Variants in DOP1B observed in about 807,000 individuals in gnomAD.
DOP1B encodes DOP1 leucine zipper like protein B.
A neutral mutation model predicts 233.5 loss-of-function variants in DOP1B; 174 were observed. The ratio of observed to expected loss-of-function variants is 0.75; its 90% CI spans 0.66 to 0.85. DOP1B has a LOEUF of 0.85. Among genes scored for constraint, DOP1B ranks in the 40% least tolerant of loss-of-function variants. The pLI, the probability that DOP1B is intolerant of heterozygous loss-of-function variation, is 0.00. For missense variants in DOP1B, 2,652 were observed against 2,846.6 expected (o/e 0.93, Z 1.56); for synonymous variants, 1,190 against 1,185.6 (o/e 1.00, Z -0.08).
chr21:36,267,708 A>C (rs913790478), intron 26 of DOP1B, among the ~76,000 whole-genome samples: 1 of 121,062 alleles, frequency 8.3e-6, no homozygotes, highest in Non-Finnish European at 1.7e-5. Flanking sequence ...GGTTCTTTCT[A>C]TTTTCCGTAA....
chr21:36,171,696 A>G (rs2065973125), intron 2 of DOP1B, among the ~76,000 whole-genome samples: 1 of 152,196 alleles, frequency 6.6e-6, no homozygotes, highest in South Asian at 2.1e-4. Context: ...TTCAGAAGAA[A>G]GCCGCTCTCT....
intron 32 of DOP1B, among the ~76,000 whole-genome samples, chr21:36,285,275 G>C (rs2067468932): frequency 6.6e-6 from 1 of 151,942 alleles, no homozygotes; most frequent in African/African-American, 2.4e-5. Context: ...GGCCAGGCTG[G>C]TCTCGAACTC....
At chr21:36,180,148 C>G (rs8130160) in intron 2 of DOP1B, among the ~76,000 whole-genome samples, 1 of 149,426 alleles carries the variant, frequency 6.7e-6, no homozygotes, top group African/African-American at 2.5e-5. Flanking sequence ...TAAAAAAAAA[C>G]TAGAGGGGGT....
At chr21:36,174,562 T>G (rs2066003874) in intron 2 of DOP1B, among the ~76,000 whole-genome samples, 1 of 152,200 alleles carries the variant, frequency 6.6e-6, no homozygotes, top group African/African-American at 2.4e-5. Flanking sequence ...TGGAGTGCAA[T>G]GGCATGATCT....
At position 36,289,098 on chromosome 21, in the gene DOP1B, C is replaced by G; in HGVS notation, c.6407C>G (p.Pro2136Arg). ...GTTTCAGTCCCGGATGCAAATGGAC[C>G]CTCAGTGGGGGAGATACCCCAGAGT... ...TKVSVPDANGPSVGEIPQSEL... is the reference protein window; with the variant it reads ...TKVSVPDANGRSVGEIPQSEL... The change falls in exon 35 of 37, where the codon CCC becomes CGC. Residue 2136 changes from proline (P) to arginine (R), a missense_variant. Transcript: ENST00000691173. The G allele has an allele frequency of 6.2e-7, 1 of 1,613,758 alleles. No homozygotes were observed. Among genetic ancestry groups the G allele is most frequent in the Non-Finnish European group, 8.5e-7 (1 of 1,179,934 alleles).
At chr21:36,237,189 A>G in intron 15 of DOP1B, 73 bp from the exon 16 acceptor site, 1 of 1,594,622 alleles carries the variant, frequency 6.3e-7, no homozygotes, top group Non-Finnish European at 8.6e-7. Context: ...GCTGGGACTG[A>G]CTGAGTGAGG....
At chr21:36,260,933 C>CA (rs2123636452) in intron 24 of DOP1B, 2 of 1,386,532 alleles carry the variant, frequency 1.4e-6, no homozygotes, top group Non-Finnish European at 1.9e-6. Flanking sequence ...AAAATCTGTG[C>CA]AGCGTACTTT....
At chr21:36,266,922 TC>T (rs1482241508) in intron 26 of DOP1B, among the ~76,000 whole-genome samples, 1 of 152,176 alleles carries the variant, frequency 6.6e-6, no homozygotes, top group Admixed American at 6.6e-5. Flanking sequence ...AAGCCCCTAA[TC>T]CCTTTTCCTG....
chr21:36,200,993 C>T (rs1253696254), intron 4 of DOP1B, among the ~76,000 whole-genome samples: 1 of 152,140 alleles, frequency 6.6e-6, no homozygotes, highest in African/African-American at 2.4e-5. Flanking sequence ...GGGGAAGTCC[C>T]GAGCCCGGAG....
In DOP1B at chr21:36,278,742, A is replaced by C. The variant is rs544804876; in HGVS notation, c.5969+387A>C. Among the ~76,000 whole-genome samples, 3 of 152,070 alleles carry C rather than the reference A, an allele frequency of 2.0e-5. No individual in the cohort carries two copies. In the South Asian group the frequency reaches 6.2e-4, roughly 32 times the overall value. Reference sequence around the variant, plus strand: ...AAATTAGCCGGGCATGGCAGCGCACACCTGTAGTTCCAGCTACTCGGGAGG... The same window carrying C: ...AAATTAGCCGGGCATGGCAGCGCACCCCTGTAGTTCCAGCTACTCGGGAGG... On this transcript the variant is annotated intron_variant, in intron 30 of 36. Transcript: ENST00000691173.
intron 11 of DOP1B, among the ~76,000 whole-genome samples, chr21:36,223,692 G>A (rs2066651257): frequency 6.6e-6 from 1 of 152,142 alleles, no homozygotes; most frequent in Non-Finnish European, 1.5e-5. Flanking sequence ...TTAGTTTTGT[G>A]GCTTTGTGAC....
At chr21:36,235,160 A>G (rs577705001) in intron 15 of DOP1B, among the ~76,000 whole-genome samples, 1 of 152,156 alleles carries the variant, frequency 6.6e-6, no homozygotes, top group African/African-American at 2.4e-5. Context: ...CCTGTTGCAG[A>G]TGCTGGAACT....
At chr21:36,276,309 T>C (rs2067348752) in intron 27 of DOP1B, among the ~76,000 whole-genome samples, 3 of 152,050 alleles carry the variant, frequency 2.0e-5, no homozygotes, top group Admixed American at 1.3e-4. Context: ...GGCAGGCAAA[T>C]TACTTGAGCC....
rs869203517 is a variant in DOP1B at position 36,287,579 on chromosome 21, CTTTTTTTTTTTTTTTT to C, written c.6161-425_6161-410del. ...TTGCACAAAAGCATCTCCTAACATT[CTTTTTTTTTTTTTTTT>C]TTTTTTTTTGAGATGGAGTCTCACT... On this transcript the variant is annotated intron_variant, in intron 32 of 36. Transcript: ENST00000691173. Among the ~76,000 whole-genome samples, 8 of 73,128 alleles carry C rather than the reference CTTTTTTTTTTTTTTTT, an allele frequency of 1.1e-4. No individual in the cohort carries two copies. In the South Asian group the frequency reaches 2.2e-3, roughly 20 times the overall value. 48.0% of individuals were successfully genotyped at this position (73,128 alleles called of 152,430 possible).
chr21:36,173,422 ATCT>A (rs2065991052), intron 2 of DOP1B, among the ~76,000 whole-genome samples: 1 of 112,616 alleles, frequency 8.9e-6, no homozygotes, highest in South Asian at 3.4e-4. Context: ...AGAATAGTTT[ATCT>A]TTTTTTTTTT....
At chr21:36,267,643 T>TTTTTTTTTG (rs2067244738) in intron 26 of DOP1B, among the ~76,000 whole-genome samples, 1 of 150,586 alleles carries the variant, frequency 6.6e-6, no homozygotes. Flanking sequence ...TTTTTTTTTT[T>TTTTTTTTTG]GAGATGGAGT....
At chr21:36,207,172 TTTTTCTTTTTTTC>T (rs1015067331) in intron 4 of DOP1B, among the ~76,000 whole-genome samples, 18 of 151,584 alleles carry the variant, frequency 1.2e-4, no homozygotes, top group Non-Finnish European at 2.4e-4. Context: ...GAGTTTTTTT[TTTTTCTTTTTTTC>T]TTTTCTTTTT....
Position 36,245,637 on chromosome 21 carries a change from G to T in DOP1B, c.3657G>T (p.Glu1219Asp). ...RLLKQQRERQ[E>D]AVEALFKHIL... ...TAAAGCAGCAGCGGGAAAGGCAGGA[G>T]GCCGTCGAGGCCTTGTTCAAGCACA... The change falls in exon 19 of 37, where the codon GAG (glutamate) becomes GAT (aspartate). Residue 1219 changes from glutamate (E) to aspartate (D), a missense_variant. Coordinates refer to ENST00000691173, the MANE Select transcript of DOP1B (RefSeq NM_001320714.2). This position sits in a 1 kb window ranked among gnomAD's most constrained non-coding sequence, Gnocchi z 5.5. The T allele has an allele frequency of 6.2e-7, 1 of 1,613,426 alleles. No individual in the cohort carries two copies. The highest frequency in any genetic ancestry group is 8.5e-7 in the Non-Finnish European group (1 of 1,179,966).
intron 2 of DOP1B, among the ~76,000 whole-genome samples, chr21:36,193,741 C>T (rs538727009): frequency 3.3e-5 from 5 of 152,054 alleles, no homozygotes; most frequent in Non-Finnish European, 5.9e-5. Flanking sequence ...GGTGGAATTG[C>T]GGGGAGCCCG....
Sources: gnomAD v4.1 joint callset for allele counts (sites outside exome capture counted in the v4.1 genomes callset) on GRCh38, gnomAD v4.1.1 for gene constraint, Gnocchi (gnomAD v3.1) non-coding constraint, MANE v1.5 for transcripts, NCBI Gene and HGNC (gene_info 2026-07-23, HGNC 2026-07-21) for gene names.